The following ZNF804B variants were observed in gnomAD, a reference collection of about 807,000 sequenced individuals.
The protein encoded by ZNF804B is zinc finger 804B.
In ZNF804B, 80 loss-of-function variants were observed where a neutral mutation model predicts 101.4. The ratio of observed to expected loss-of-function variants is 0.79; its 90% confidence interval spans 0.66 to 0.95. ZNF804B has a LOEUF of 0.95. ZNF804B is among the 40% of genes least tolerant of loss of function. The pLI is 0.00. For missense variants in ZNF804B, 1,673 were observed against 1,561.9 expected (o/e 1.07, Z -1.20); for synonymous variants, 622 against 558.8 (o/e 1.11, Z -1.59).
At chr7:89,183,901 T>C (rs902938479) in intron 1 of ZNF804B, among the ~76,000 whole-genome samples, 1 of 151,972 alleles carries the variant, frequency 6.6e-6, no homozygotes, top group Non-Finnish European at 1.5e-5. Flanking sequence ...CGCTGGAAAA[T>C]CTTTTTGTGG....
At chr7:89,081,638 G>A (rs1041037839) in intron 1 of ZNF804B, among the ~76,000 whole-genome samples, 16 of 151,830 alleles carry the variant, frequency 1.1e-4, no homozygotes, top group African/African-American at 2.9e-4. Context: ...CTGAGATATA[G>A]CTGGGGATTC....
chr7:88,801,625 G>A (rs1474376724), intron 1 of ZNF804B, among the ~76,000 whole-genome samples: 1 of 152,050 alleles, frequency 6.6e-6, no homozygotes, highest in Non-Finnish European at 1.5e-5. Flanking sequence ...CTTTGACTAA[G>A]TAATGCCTCT....
chr7:88,890,194 T>C (rs1792194801), intron 1 of ZNF804B, among the ~76,000 whole-genome samples: 1 of 152,196 alleles, frequency 6.6e-6, no homozygotes, highest in Non-Finnish European at 1.5e-5. Flanking sequence ...CCAAAGGTAC[T>C]CTTCAGAAAT....
At chr7:88,891,968 T>C (rs1792221125) in intron 1 of ZNF804B, among the ~76,000 whole-genome samples, 2 of 152,176 alleles carry the variant, frequency 1.3e-5, no homozygotes, top group South Asian at 4.1e-4. Context: ...TTTTCTGTTT[T>C]CAGTGTTTAC....
At chr7:89,016,091 T>C (rs1253113467) in intron 1 of ZNF804B, among the ~76,000 whole-genome samples, 3 of 152,192 alleles carry the variant, frequency 2.0e-5, no homozygotes, top group Non-Finnish European at 4.4e-5. Context: ...TAGCCAGTGA[T>C]GGTGAGCATT....
intron 1 of ZNF804B, among the ~76,000 whole-genome samples, chr7:88,988,004 C>T (rs1019846268): frequency 6.6e-6 from 1 of 151,804 alleles, no homozygotes. Context: ...CCTCTAATAA[C>T]CATTATTCTA....
At chr7:89,270,630 G>A (rs1789878079) in intron 2 of ZNF804B, among the ~76,000 whole-genome samples, 1 of 152,094 alleles carries the variant, frequency 6.6e-6, no homozygotes, top group African/African-American at 2.4e-5. Flanking sequence ...GATGGGGATG[G>A]CATTGAATCT....
At chr7:89,069,633 A>G (rs1301400852) in intron 1 of ZNF804B, among the ~76,000 whole-genome samples, 2 of 152,162 alleles carry the variant, frequency 1.3e-5, no homozygotes, top group African/African-American at 4.8e-5. Flanking sequence ...ATGGCTGCAC[A>G]ATATTCCATT....
chr7:89,312,850 A>T (rs919647793), intron 2 of ZNF804B, among the ~76,000 whole-genome samples: 10 of 152,132 alleles, frequency 6.6e-5, no homozygotes, highest in African/African-American at 2.2e-4. Context: ...ACATGCAAAG[A>T]GGCAGAAAAT....
chr7:89,264,217 C>G (rs1789750869), intron 2 of ZNF804B, among the ~76,000 whole-genome samples: 1 of 152,230 alleles, frequency 6.6e-6, no homozygotes, highest in African/African-American at 2.4e-5. Flanking sequence ...TAGACATTTT[C>G]CTTTTACATG....
intron 1 of ZNF804B, among the ~76,000 whole-genome samples, chr7:89,210,372 G>T (rs949144748): frequency 2.6e-5 from 4 of 151,930 alleles, no homozygotes; most frequent in Non-Finnish European, 5.9e-5. Context: ...GGGTACATGC[G>T]CAGGATGTGC....
chr7:88,918,487 C>A, intron 1 of ZNF804B, among the ~76,000 whole-genome samples: 1 of 151,930 alleles, frequency 6.6e-6, no homozygotes, highest in African/African-American at 2.4e-5. Context: ...TTGTTTCCCT[C>A]GAATTTAACT....
intron 1 of ZNF804B, among the ~76,000 whole-genome samples, chr7:89,092,726 C>T (rs1481117468): frequency 2.0e-5 from 3 of 152,096 alleles, no homozygotes; most frequent in Admixed American, 6.6e-5. Flanking sequence ...CTATTGGAAA[C>T]TTTTGCAATT....
chr7:89,095,263 G>T (rs989676914), intron 1 of ZNF804B, among the ~76,000 whole-genome samples: 3 of 152,046 alleles, frequency 2.0e-5, no homozygotes, highest in Non-Finnish European at 4.4e-5. Flanking sequence ...TGGAGGATGC[G>T]GTCACAAAAT....
intron 1 of ZNF804B, among the ~76,000 whole-genome samples, chr7:89,195,749 A>G (rs1023160493): frequency 6.6e-6 from 1 of 151,968 alleles, no homozygotes; most frequent in Admixed American, 6.6e-5. Flanking sequence ...GCATTTCTAT[A>G]CACCTACAGT....
chr7:89,085,455 AT>A (rs572401152), intron 1 of ZNF804B, among the ~76,000 whole-genome samples: 1 of 151,506 alleles, frequency 6.6e-6, no homozygotes, highest in African/African-American at 2.4e-5. Context: ...TTGAAGTACA[AT>A]TTTTTTTCTG....
intron 1 of ZNF804B, among the ~76,000 whole-genome samples, chr7:88,899,403 C>A (rs902471535): frequency 1.3e-5 from 2 of 152,118 alleles, no homozygotes; most frequent in Non-Finnish European, 2.9e-5. Flanking sequence ...AAATAGGTGA[C>A]AAGGTTTCTA....
intron 1 of ZNF804B, among the ~76,000 whole-genome samples, chr7:89,010,308 T>G (rs1229893192): frequency 6.6e-6 from 1 of 152,176 alleles, no homozygotes; most frequent in Non-Finnish European, 1.5e-5. Context: ...AACCAGGAAT[T>G]GTTTCTAGGA....
intron 1 of ZNF804B, among the ~76,000 whole-genome samples, chr7:88,992,463 A>G (rs962716521): frequency 3.3e-5 from 5 of 152,124 alleles, no homozygotes; most frequent in South Asian, 2.1e-4. Context: ...TCATAGTTCT[A>G]TAGACCAAAA....
Sources: gnomAD v4.1 joint callset for allele counts (sites outside exome capture counted in the v4.1 genomes callset) on GRCh38, gnomAD v4.1.1 for gene constraint, MANE v1.5 for transcripts, NCBI Gene and HGNC (gene_info 2026-07-23, HGNC 2026-07-21) for gene names.